SLCO1B1: variants seen among roughly 807,000 people sequenced by gnomAD.
SLCO1B1 encodes OATP-2.
A neutral mutation model predicts 70.1 loss-of-function variants in SLCO1B1; 81 were observed. The observed-to-expected ratio is 1.16, with a 90% CI of 0.97 to 1.39. The LOEUF is 1.39. Ranked by LOEUF, SLCO1B1 falls within the 40% of genes most tolerant of loss-of-function variation. The pLI is 0.00. For synonymous variants in SLCO1B1, 283 were observed against 271.5 expected (o/e 1.04, Z -0.42); for missense variants, 895 against 799.6 (o/e 1.12, Z -1.44).
At chr12:21,182,485 G>T (rs1298060596) in intron 7 of SLCO1B1, among the ~76,000 whole-genome samples, 3 of 152,132 alleles carry the variant, frequency 2.0e-5, no homozygotes, top group African/African-American at 7.2e-5. Flanking sequence ...AGAGACAGCG[G>T]GGCCAACTTT....
Position 21,178,708 on chromosome 12 carries a change from C to T in SLCO1B1, c.614C>T (p.Ser205Phe). 6.2e-7 allele frequency: 1 copy of T among 1,603,734 alleles called. No homozygotes were observed. Among genetic ancestry groups the T allele is most frequent in the Non-Finnish European group, 8.5e-7 (1 of 1,170,634 alleles). ...GATGATTTCGCTAAAGAAGGACATT[C>T]TTCTTTGTATTTAGGTAATGTACAC... ...YIDDFAKEGH[S>F]SLYLGILNAI... The change falls in exon 6 of 15, where the codon TCT becomes TTT. Residue 205 changes from serine to phenylalanine, a missense_variant. Ser to Phe is a radical substitution (Grantham distance 155, BLOSUM62 -2). Transcript: ENST00000256958.
At position 21,239,167 on chromosome 12, in the gene SLCO1B1, C is replaced by T. The variant is rs1941623633; in HGVS notation, c.2054C>T (p.Ala685Val). 1 of 1,612,542 alleles carries T rather than the reference C, an allele frequency of 6.2e-7. No individual in the cohort carries two copies. Among genetic ancestry groups the T allele is most frequent in the Admixed American group, 1.7e-5 (1 of 59,970 alleles). ...AAACATTTTGTCCCTTCTGCTGGGG[C>T]AGATAGTGAAACACATTGTTAAGGG... ...KNKHFVPSAGADSETHC is the reference protein window; with the variant it reads ...KNKHFVPSAGVDSETHC The change falls in exon 15 of 15, where the codon GCA becomes GTA. Residue 685 changes from alanine to valine, a missense_variant. Physicochemically the swap from Ala to Val is moderately conservative, Grantham distance 64 (BLOSUM62 0). Transcript: ENST00000256958.
intron 2 of SLCO1B1, among the ~76,000 whole-genome samples, chr12:21,156,272 C>T (rs1240551652): frequency 6.6e-6 from 1 of 151,970 alleles, no homozygotes; most frequent in Admixed American, 6.6e-5. Flanking sequence ...TGAAACTCTA[C>T]CATATTTGAA....
intron 10 of SLCO1B1, among the ~76,000 whole-genome samples, chr12:21,203,673 T>G (rs1941182724): frequency 6.6e-6 from 1 of 152,136 alleles, no homozygotes; most frequent in Non-Finnish European, 1.5e-5. Flanking sequence ...GAACTGTTAT[T>G]GGTATCTCCT....
intron 11 of SLCO1B1, among the ~76,000 whole-genome samples, chr12:21,213,929 C>T (rs1344260814): frequency 0.016 from 2,382 of 149,450 alleles, 55 homozygotes; most frequent in African/African-American, 0.056. Flanking sequence ...CTCCTTTAAG[C>T]ACTTCTCTGT....
At chr12:21,152,138 G>C (rs962599916) in intron 2 of SLCO1B1, among the ~76,000 whole-genome samples, 3 of 151,856 alleles carry the variant, frequency 2.0e-5, no homozygotes, top group African/African-American at 7.3e-5. Flanking sequence ...CTGAATCTCA[G>C]ATATCCTGTT....
chr12:21,224,702 C>A lies in SLCO1B1; in HGVS notation c.1748-20C>A, dbSNP rs753856643. 1 of 1,348,216 alleles carries A rather than the reference C, an allele frequency of 7.4e-7. No individual in the cohort carries two copies. 83.5% of individuals were successfully genotyped at this position (1,348,216 alleles called of 1,614,324 possible). On this transcript the variant is annotated intron_variant, in intron 13 of 14. Coordinates refer to ENST00000256958, the MANE Select transcript of SLCO1B1 (RefSeq NM_006446.5). ...TAAAATATGTTCCCTAAACTGACAT[C>A]TTCTCTTCTCCTATTACAGGAGGAA...
intron 1 of SLCO1B1, among the ~76,000 whole-genome samples, chr12:21,133,927 G>T (rs919251344): frequency 2.6e-5 from 4 of 152,194 alleles, no homozygotes; most frequent in African/African-American, 9.7e-5. Flanking sequence ...CAAAGGGAAT[G>T]CTTCCAGTTT....
chr12:21,156,274 A>G (rs933698186), intron 2 of SLCO1B1, among the ~76,000 whole-genome samples: 2 of 152,126 alleles, frequency 1.3e-5, no homozygotes, highest in Non-Finnish European at 1.5e-5. Context: ...AAACTCTACC[A>G]TATTTGAAAA....
chr12:21,196,990 T>C lies in SLCO1B1; in HGVS notation c.772T>C (p.Trp258Arg). The C allele has an allele frequency of 6.2e-7, 1 of 1,613,652 alleles. No individual in the cohort carries two copies. The change falls in exon 8 of 15, where the codon TGG becomes CGG. Residue 258 changes from tryptophan (W) to arginine (R), a missense_variant. Coordinates refer to ENST00000256958, the MANE Select transcript of SLCO1B1 (RefSeq NM_006446.5). ...TPTDSRWVGAWWLNFLVSGLF... is the reference protein window; with the variant it reads ...TPTDSRWVGARWLNFLVSGLF... ...TACTGATTCTCGATGGGTTGGAGCT[T>C]GGTGGCTTAATTTCCTTGTGTCTGG...
chr12:21,156,308 AAAC>A (rs1213442047), intron 2 of SLCO1B1, among the ~76,000 whole-genome samples: 2 of 152,132 alleles, frequency 1.3e-5, no homozygotes, highest in Non-Finnish European at 2.9e-5. Flanking sequence ...TAATGATACT[AAAC>A]AAAGAATTTA....
intron 7 of SLCO1B1, among the ~76,000 whole-genome samples, chr12:21,193,180 G>C (rs1284402135): frequency 2.0e-5 from 3 of 152,074 alleles, no homozygotes; most frequent in African/African-American, 7.2e-5. Context: ...TTTTTATTGA[G>C]TGAAGTATTC....
intron 7 of SLCO1B1, among the ~76,000 whole-genome samples, chr12:21,185,028 A>G (rs1416329229): frequency 1.3e-5 from 2 of 152,182 alleles, no homozygotes; most frequent in African/African-American, 4.8e-5. Context: ...GGTATTACAT[A>G]AGGATAAAGT....
At position 21,238,983 on chromosome 12, in the gene SLCO1B1, G is replaced by T. The variant is rs1284016747; in HGVS notation, c.1870G>T (p.Val624Phe). The T allele has an allele frequency of 1.9e-6, 3 of 1,549,202 alleles. No individual in the cohort carries two copies. Among genetic ancestry groups the T allele is most frequent in the Non-Finnish European group, 2.7e-6 (3 of 1,125,118 alleles). The change falls in exon 15 of 15, where the codon GTC (valine) becomes TTC (phenylalanine). Residue 624 changes from valine to phenylalanine, a missense_variant. Physicochemically the swap from Val to Phe is conservative, Grantham distance 50. Coordinates refer to ENST00000256958, the MANE Select transcript of SLCO1B1 (RefSeq NM_006446.5). ...RTYNSTSFSRVYLGLSSMLRV... is the reference protein window; with the variant it reads ...RTYNSTSFSRFYLGLSSMLRV... ...TTATTTTCTCTATTTCTACAGAAGG[G>T]TCTACTTGGGCTTGTCTTCAATGTT...
At chr12:21,148,053 T>C (rs956794660) in intron 2 of SLCO1B1, among the ~76,000 whole-genome samples, 5 of 152,282 alleles carry the variant, frequency 3.3e-5, no homozygotes, top group South Asian at 2.1e-4. Flanking sequence ...TTTGATGGCA[T>C]TGTTTGTTTC....
chr12:21,189,817 T>C (rs539040855), intron 7 of SLCO1B1, among the ~76,000 whole-genome samples: 1 of 152,316 alleles, frequency 6.6e-6, no homozygotes, highest in South Asian at 2.1e-4. Flanking sequence ...AATAGTTAAA[T>C]TTAGCTAATT....
chr12:21,219,864 C>G (rs575660564), intron 12 of SLCO1B1, among the ~76,000 whole-genome samples: 1 of 152,144 alleles, frequency 6.6e-6, no homozygotes, highest in Non-Finnish European at 1.5e-5. Context: ...CAGGTTCAAA[C>G]GATGCTCCTG....
intron 2 of SLCO1B1, among the ~76,000 whole-genome samples, chr12:21,149,516 T>A (rs2121055995): frequency 6.6e-6 from 1 of 152,232 alleles, no homozygotes; most frequent in East Asian, 1.9e-4. Flanking sequence ...CTCATCTCTT[T>A]GAGACTGGTT....
At chr12:21,168,948 A>T (rs1455883642) in intron 2 of SLCO1B1, among the ~76,000 whole-genome samples, 1 of 151,848 alleles carries the variant, frequency 6.6e-6, no homozygotes, top group Non-Finnish European at 1.5e-5. Flanking sequence ...AAAAATTGCC[A>T]AATTGAATGT....
Sources: gnomAD v4.1 joint callset for allele counts (sites outside exome capture counted in the v4.1 genomes callset) on GRCh38, gnomAD v4.1.1 for gene constraint, MANE v1.5 for transcripts, NCBI Gene and HGNC (gene_info 2026-07-23, HGNC 2026-07-21) for gene names.